Variants in LRRTM4 observed in about 807,000 individuals in gnomAD.
LRRTM4 encodes the protein leucine-rich repeat transmembrane neuronal protein 4.
A neutral mutation model predicts 47.6 loss-of-function variants in LRRTM4; 25 were observed. The observed-to-expected ratio is 0.53, with a 90% CI of 0.38 to 0.73. The LOEUF (loss-of-function observed/expected upper bound fraction) is 0.73. LRRTM4 is among the 30% of genes least tolerant of loss of function. The pLI is 0.00. For synonymous variants in LRRTM4, 311 were observed against 269.5 expected (o/e 1.15, Z -1.51); for missense variants, 638 against 713.4 (o/e 0.89, Z 1.20).
intron 3 of LRRTM4, among the ~76,000 whole-genome samples, chr2:76,937,856 G>A (rs931133979): frequency 2.6e-5 from 4 of 152,072 alleles, no homozygotes; most frequent in African/African-American, 9.7e-5. Context: ...ATGAGCCACT[G>A]CACCCGGCCA....
At chr2:77,120,858 C>A (rs184777147) in intron 3 of LRRTM4, among the ~76,000 whole-genome samples, 1 of 151,836 alleles carries the variant, frequency 6.6e-6, no homozygotes, top group African/African-American at 2.4e-5. Flanking sequence ...TTTCTACCAA[C>A]ATTTCTTGTT....
chr2:77,329,255 C>G (rs753980718), intron 3 of LRRTM4, among the ~76,000 whole-genome samples: 7 of 152,180 alleles, frequency 4.6e-5, no homozygotes, highest in African/African-American at 1.7e-4. Flanking sequence ...GTACCTTTAC[C>G]TTCTGTGCCC....
chr2:77,115,567 G>A (rs543925653), intron 3 of LRRTM4, among the ~76,000 whole-genome samples: 13 of 151,666 alleles, frequency 8.6e-5, no homozygotes, highest in Admixed American at 3.9e-4. Context: ...GCCTCCAGCC[G>A]GTCCCTCCGT....
At chr2:76,918,929 A>C (rs1674342410) in intron 3 of LRRTM4, among the ~76,000 whole-genome samples, 1 of 152,188 alleles carries the variant, frequency 6.6e-6, no homozygotes, top group Non-Finnish European at 1.5e-5. Flanking sequence ...AGAAAAACTC[A>C]CAGGAGTCAG....
chr2:76,921,460 C>G (rs1188839144), intron 3 of LRRTM4, among the ~76,000 whole-genome samples: 1 of 151,824 alleles, frequency 6.6e-6, no homozygotes, highest in Non-Finnish European at 1.5e-5. Flanking sequence ...CCCTTTTTTT[C>G]ATGCTCTATT....
At chr2:76,823,234 G>T (rs1166540725) in intron 3 of LRRTM4, among the ~76,000 whole-genome samples, 1 of 151,018 alleles carries the variant, frequency 6.6e-6, no homozygotes, top group Non-Finnish European at 1.5e-5. Context: ...AAAATTGAAG[G>T]TTACTTTCTA....
At chr2:77,090,256 T>G (rs903200427) in intron 3 of LRRTM4, among the ~76,000 whole-genome samples, 1 of 152,174 alleles carries the variant, frequency 6.6e-6, no homozygotes, top group Non-Finnish European at 1.5e-5. Context: ...TTAATGCTCC[T>G]TTTTCTTTAT....
chr2:77,043,074 C>T (rs572129867), intron 3 of LRRTM4, among the ~76,000 whole-genome samples: 37 of 151,874 alleles, frequency 2.4e-4, no homozygotes, highest in African/African-American at 8.7e-4. Flanking sequence ...GTTAGGCCTA[C>T]CCTGCCCTTG....
intron 3 of LRRTM4, among the ~76,000 whole-genome samples, chr2:77,389,605 A>G (rs1446269707): frequency 6.6e-6 from 1 of 152,120 alleles, no homozygotes; most frequent in Non-Finnish European, 1.5e-5. Flanking sequence ...TAATTTGAAT[A>G]TATTTCCTGG....
chr2:77,462,031 T>C (rs1308271957), intron 3 of LRRTM4, among the ~76,000 whole-genome samples: 1 of 151,980 alleles, frequency 6.6e-6, no homozygotes, highest in African/African-American at 2.4e-5. Flanking sequence ...AACTGAAGAG[T>C]CTTTTTTTAT....
intron 3 of LRRTM4, among the ~76,000 whole-genome samples, chr2:76,971,968 C>T (rs1480088724): frequency 2.0e-5 from 3 of 151,966 alleles, no homozygotes; most frequent in East Asian, 3.9e-4. Context: ...ACAGATCATG[C>T]TATTTCATTT....
intron 3 of LRRTM4, among the ~76,000 whole-genome samples, chr2:77,316,007 T>C (rs1449679726): frequency 6.6e-6 from 1 of 152,192 alleles, no homozygotes; most frequent in African/African-American, 2.4e-5. Context: ...TCCAGACTTT[T>C]TTCTCACTGG....
At chr2:76,964,008 C>T (rs1167756799) in intron 3 of LRRTM4, among the ~76,000 whole-genome samples, 1 of 150,632 alleles carries the variant, frequency 6.6e-6, no homozygotes, top group East Asian at 1.9e-4. Context: ...AATTTATATA[C>T]AATCAGAAAT....
chr2:77,177,690 CT>C (rs1673237957), intron 3 of LRRTM4, among the ~76,000 whole-genome samples: 1 of 152,194 alleles, frequency 6.6e-6, no homozygotes, highest in Non-Finnish European at 1.5e-5. Flanking sequence ...GGAATCCACA[CT>C]TTCAAATAAG....
intron 3 of LRRTM4, among the ~76,000 whole-genome samples, chr2:77,337,169 T>G (rs933553942): frequency 1.3e-5 from 2 of 151,722 alleles, no homozygotes; most frequent in African/African-American, 4.8e-5. Flanking sequence ...ACCAAGGAGG[T>G]GAAAGTTATC....
intron 3 of LRRTM4, among the ~76,000 whole-genome samples, chr2:77,328,971 TTC>T (rs1477371465): frequency 4.6e-5 from 7 of 152,160 alleles, no homozygotes; most frequent in African/African-American, 1.7e-4. Context: ...CCTGGGGTGT[TTC>T]TGAACTGAGT....
chr2:76,927,256 T>A (rs1573324143), intron 3 of LRRTM4, among the ~76,000 whole-genome samples: 1 of 152,230 alleles, frequency 6.6e-6, no homozygotes, highest in South Asian at 2.1e-4. Flanking sequence ...AATTACCATA[T>A]GTATCCACAT....
chr2:77,137,786 CA>C (rs1490287709), intron 3 of LRRTM4, among the ~76,000 whole-genome samples: 1 of 151,964 alleles, frequency 6.6e-6, no homozygotes, highest in African/African-American at 2.4e-5. Flanking sequence ...GAAGATCTAC[CA>C]AGCAAATTTA....
intron 3 of LRRTM4, among the ~76,000 whole-genome samples, chr2:77,141,994 T>C (rs760078591): frequency 1.3e-5 from 2 of 152,164 alleles, no homozygotes; most frequent in African/African-American, 2.4e-5. Flanking sequence ...TTCACATTTA[T>C]GAGCAGTGCT....
Sources: gnomAD v4.1 joint callset for allele counts (sites outside exome capture counted in the v4.1 genomes callset) on GRCh38, gnomAD v4.1.1 for gene constraint, MANE v1.5 for transcripts, NCBI Gene and HGNC (gene_info 2026-07-23, HGNC 2026-07-21) for gene names.